ERBIN: variants seen among roughly 807,000 people sequenced by gnomAD.
ERBIN encodes the protein densin-180-like protein.
Under a neutral mutation model 158.4 loss-of-function variants are expected in ERBIN, and 60 were observed. That is an observed-to-expected ratio of 0.38 (90% CI 0.31 to 0.47). ERBIN has a LOEUF of 0.47. Ranked by LOEUF, ERBIN falls within the 20% of genes least tolerant of loss-of-function variation. The pLI is 0.99. For synonymous variants in ERBIN, 594 were observed against 557.2 expected, an observed-to-expected ratio of 1.07 and a Z score of -0.93; for missense variants, 1,610 against 1,648.0, an observed-to-expected ratio of 0.98 and a Z score of 0.40.
intron 4 of ERBIN, among the ~76,000 whole-genome samples, 187 bp downstream of exon 4, chr5:65,995,051 A>T (rs779948462): frequency 6.6e-6 from 1 of 152,232 alleles, no homozygotes; most frequent in African/African-American, 2.4e-5. Flanking sequence ...CCTGTTTTGT[A>T]TCAAATACAG....
intron 1 of ERBIN, among the ~76,000 whole-genome samples, chr5:65,976,091 AT>A (rs1318036068): frequency 6.6e-6 from 1 of 152,256 alleles, no homozygotes; most frequent in African/African-American, 2.4e-5. Context: ...AGACATAAAC[AT>A]GAGGAAGTGA....
chr5:66,025,360 T>TA lies in ERBIN; in HGVS notation c.818-119dup, dbSNP rs1021703868. On this transcript the variant is annotated intron_variant, in intron 10 of 25. Transcript: ENST00000284037. ...GATTGGGAGTGGTATCTCTTTTAGATACGTTTGTTAGGAAAGTTGTTTCTA... is the reference window on the plus strand; with the variant it reads ...GATTGGGAGTGGTATCTCTTTTAGATAACGTTTGTTAGGAAAGTTGTTTCTA... 18 of 759,384 alleles carry TA rather than the reference T, an allele frequency of 2.4e-5. No homozygotes were observed. In the African/African-American group the frequency reaches 3.1e-4, roughly 13 times the overall value. The allele number at this position is 759,384 out of a possible 1,614,324, so 47.0% of individuals were successfully genotyped here.
At position 66,082,288 on chromosome 5, in the gene ERBIN, A is replaced by G. The variant is rs1251607532; in HGVS notation, c.*3758A>G. On this transcript the variant is annotated 3_prime_UTR_variant, in exon 26 of 26. Coordinates refer to ENST00000284037, the MANE Select transcript of ERBIN (RefSeq NM_001253697.2). ...TTTTATTGTAGAGAACAATCAAAAT[A>G]CTCCTGAACCTTTCTATAGAATCTT... is the stretch of plus-strand genomic sequence containing the variant. 6.6e-6 allele frequency: 1 copy of G among 152,150 alleles called. No individual in the cohort carries two copies. The highest frequency in any genetic ancestry group is 1.5e-5 in the Non-Finnish European group (1 of 68,022). 9.4% of individuals were successfully genotyped at this position (152,150 alleles called of 1,614,324 possible).
At chr5:66,034,968 ATAG>A (rs1241808089) in intron 14 of ERBIN, among the ~76,000 whole-genome samples, 1 of 152,168 alleles carries the variant, frequency 6.6e-6, no homozygotes, top group Non-Finnish European at 1.5e-5. Flanking sequence ...GGTCAAAGGA[ATAG>A]TAGTCTTGCT....
At chr5:66,024,711 TTAAC>T (rs1352337090) in intron 10 of ERBIN, among the ~76,000 whole-genome samples, 1 of 152,152 alleles carries the variant, frequency 6.6e-6, no homozygotes, top group African/African-American at 2.4e-5. Flanking sequence ...CAAATTTGGC[TTAAC>T]TGTTAGCTTT....
intron 1 of ERBIN, among the ~76,000 whole-genome samples, chr5:65,966,497 A>G (rs1352844265): frequency 6.6e-6 from 1 of 152,118 alleles, no homozygotes; most frequent in Non-Finnish European, 1.5e-5. Flanking sequence ...CCTGACCAAC[A>G]TGGAGAAACC....
intron 1 of ERBIN, among the ~76,000 whole-genome samples, chr5:65,956,858 A>G (rs1747204424): frequency 6.6e-6 from 1 of 151,648 alleles, no homozygotes. Flanking sequence ...TGAAGATGAC[A>G]TTGTTGTATC....
chr5:65,935,352 G>GT (rs1050779724), intron 1 of ERBIN, among the ~76,000 whole-genome samples: 2 of 151,282 alleles, frequency 1.3e-5, no homozygotes, highest in Admixed American at 6.6e-5. Context: ...ACTCTAAGTT[G>GT]TTTTTTTTCC....
intron 3 of ERBIN, among the ~76,000 whole-genome samples, chr5:65,993,506 G>A (rs958911261): frequency 6.6e-6 from 1 of 151,676 alleles, no homozygotes; most frequent in Non-Finnish European, 1.5e-5. Context: ...TTTTTTCAGT[G>A]TACTTTTTCT....
intron 1 of ERBIN, among the ~76,000 whole-genome samples, chr5:65,966,505 AC>A (rs1303980998): frequency 2.0e-5 from 3 of 151,910 alleles, no homozygotes; most frequent in Admixed American, 2.0e-4. Flanking sequence ...ACATGGAGAA[AC>A]CCTGTCTCTA....
intron 1 of ERBIN, among the ~76,000 whole-genome samples, chr5:65,979,638 G>C (rs1750428512): frequency 6.6e-6 from 1 of 152,174 alleles, no homozygotes; most frequent in Non-Finnish European, 1.5e-5. Flanking sequence ...TTTCAGGTGA[G>C]TAATGGACAT....
intron 1 of ERBIN, among the ~76,000 whole-genome samples, chr5:65,939,310 G>A (rs895744839): frequency 2.0e-5 from 3 of 151,972 alleles, no homozygotes; most frequent in Non-Finnish European, 2.9e-5. Context: ...GGTGGCGTGT[G>A]CCTGTAGTCC....
rs2151238961 is a variant in ERBIN at position 66,054,034 on chromosome 5, G to C, written c.2716G>C (p.Asp906His). The C allele has an allele frequency of 6.2e-7, 1 of 1,614,124 alleles. No homozygotes were observed. Among genetic ancestry groups the C allele is most frequent in the Non-Finnish European group, 8.5e-7 (1 of 1,180,022 alleles). Residue 906 changes from aspartate (D) to histidine (H), a missense_variant, in exon 21 of 26, where the codon GAT becomes CAT. This residue lies in a region of ERBIN where 1,014 missense variants were observed against 936.1 expected (regional missense o/e 1.08). Coordinates refer to ENST00000284037, the MANE Select transcript of ERBIN (RefSeq NM_001253697.2). ...STTVKITSAV[D>H]GKNIVRSKSA... is the part of the protein sequence containing the mutation. ...AACCGTTAAAATCACATCTGCTGTT[G>C]ATGGAAAAAATATAGTCAGGAGCAA...
intron 4 of ERBIN, among the ~76,000 whole-genome samples, chr5:66,011,665 C>T (rs1027235134): frequency 1.3e-5 from 2 of 152,106 alleles, no homozygotes; most frequent in African/African-American, 4.8e-5. Flanking sequence ...CCAGCGTGGG[C>T]AACAGATCAA....
At chr5:66,018,586 TTATATAA>T (rs1294240417) in intron 7 of ERBIN, among the ~76,000 whole-genome samples, 446 of 7,668 alleles carry the variant, frequency 0.058, 171 homozygotes, top group African/African-American at 0.1. Context: ...ATAATATATA[TTATATAA>T]TATATATTAT....
At chr5:66,031,116 G>A (rs1301157359) in intron 14 of ERBIN, among the ~76,000 whole-genome samples, 1 of 152,132 alleles carries the variant, frequency 6.6e-6, no homozygotes, top group Non-Finnish European at 1.5e-5. Context: ...CTTACCATAT[G>A]AAGCAATAAT....
chr5:65,940,944 G>A (rs1042966565), intron 1 of ERBIN, among the ~76,000 whole-genome samples: 1 of 152,034 alleles, frequency 6.6e-6, no homozygotes, highest in Non-Finnish European at 1.5e-5. Flanking sequence ...AGGTAGACAC[G>A]GGAGACTTTT....
chr5:66,067,499 A>C (rs1761108153), intron 21 of ERBIN, among the ~76,000 whole-genome samples: 1 of 152,194 alleles, frequency 6.6e-6, no homozygotes, highest in Non-Finnish European at 1.5e-5. Context: ...TAACACTGGG[A>C]ATAAACAAGT....
At position 66,044,302 on chromosome 5, in the gene ERBIN, G is replaced by T. The variant is rs770108718; in HGVS notation, c.1594G>T (p.Gly532Cys). 101 of 1,582,822 alleles carry T rather than the reference G, an allele frequency of 6.4e-5. No individual in the cohort carries two copies. The highest frequency in any genetic ancestry group is 8.5e-5 in the Non-Finnish European group (100 of 1,171,450). Residue 532 changes from glycine to cysteine, a missense_variant, in exon 17 of 26, where the codon GGT becomes TGT. Around this residue, in one of 2 missense-constraint regions of ERBIN, gnomAD observed 596 missense variants for 711.9 expected, o/e 0.84. Coordinates refer to ENST00000284037, the MANE Select transcript of ERBIN (RefSeq NM_001253697.2). ...EDQQDINKDV[G>C]VKTSESTTTV... ...TCAACAAGATATAAATAAAGATGTGGGTGTGAAGGTTAGAAAATTCAAAAG... is the reference window on the plus strand; with the variant it reads ...TCAACAAGATATAAATAAAGATGTGTGTGTGAAGGTTAGAAAATTCAAAAG...
Sources: gnomAD v4.1 joint callset for allele counts (sites outside exome capture counted in the v4.1 genomes callset) on GRCh38, gnomAD v4.1.1 for gene constraint, gnomAD v4.1.1 regional missense constraint, MANE v1.5 for transcripts, NCBI Gene and HGNC (gene_info 2026-07-23, HGNC 2026-07-21) for gene names.